SDK1: variants seen among roughly 807,000 people sequenced by gnomAD.
SDK1 encodes the protein protein sidekick-1.
Under a neutral mutation model 245.5 loss-of-function variants are expected in SDK1, and 157 were observed. The ratio of observed to expected loss-of-function variants is 0.64; its 90% CI spans 0.56 to 0.73. SDK1 has a LOEUF of 0.73. Among genes scored for constraint, SDK1 ranks in the 30% least tolerant of loss-of-function variants. The pLI, the probability that SDK1 is intolerant of heterozygous loss-of-function variation, is 0.00. For synonymous variants in SDK1, 1,647 were observed against 1,278.5 expected, an observed-to-expected ratio of 1.29 and a Z score of -6.15; for missense variants, 3,583 against 3,002.3, an observed-to-expected ratio of 1.19 and a Z score of -4.52.
At chr7:4,028,787 A>G (rs117655747) in intron 17 of SDK1, among the ~76,000 whole-genome samples, 3,225 of 152,096 alleles carry the variant, frequency 0.021, 43 homozygotes, top group Non-Finnish European at 0.035. Context: ...TAAACACGGG[A>G]TTTTGTTGTG....
rs184691656 is a variant in SDK1 at position 3,701,163 on chromosome 7, G to T, written c.713+59058G>T. On this transcript the variant is annotated intron_variant, in intron 4 of 44. Coordinates refer to ENST00000404826, the MANE Select transcript of SDK1 (RefSeq NM_152744.4). ...ACATTTCTATACAGTAGCAGTAAGCGTGGAAATTGACAGAGAATACAATAC... is the reference window on the plus strand; with the variant it reads ...ACATTTCTATACAGTAGCAGTAAGCTTGGAAATTGACAGAGAATACAATAC... Among the ~76,000 whole-genome samples, 283 of 152,224 alleles carry T rather than the reference G, an allele frequency of 1.9e-3. 3 individuals are homozygous for T. The highest frequency in any genetic ancestry group is 6.3e-3 in the African/African-American group (262 of 41,530).
chr7:3,454,423 T>TGTGTGCGCGC (rs1554273965), intron 1 of SDK1, among the ~76,000 whole-genome samples: 2 of 150,042 alleles, frequency 1.3e-5, no homozygotes, highest in African/African-American at 2.5e-5. Context: ...TGTGTGTGTG[T>TGTGTGCGCGC]GCTGTGTACA....
chr7:4,140,955 A>C (rs1471059795), intron 28 of SDK1, among the ~76,000 whole-genome samples: 2 of 152,222 alleles, frequency 1.3e-5, no homozygotes, highest in Non-Finnish European at 2.9e-5. Context: ...TTTTTAAAAA[A>C]ATGATTAATA....
chr7:3,484,638 A>G (rs1244676722), intron 1 of SDK1, among the ~76,000 whole-genome samples: 1 of 152,118 alleles, frequency 6.6e-6, no homozygotes, highest in African/African-American at 2.4e-5. Context: ...TGTATCCATA[A>G]CCAACCTCGC....
In SDK1 at chr7:3,766,497, G is replaced by T. The variant is rs531565942; in HGVS notation, c.714-54953G>T. Among the ~76,000 whole-genome samples, 131 of 152,184 alleles carry T rather than the reference G, an allele frequency of 8.6e-4. No homozygotes were observed. In the Middle Eastern group the frequency reaches 0.01, roughly 12 times the overall value. On this transcript the variant is annotated intron_variant, in intron 4 of 44. Transcript: ENST00000404826. Reference sequence around the variant, plus strand: ...TTCTTATCTAGCAAATGGGGTAATTGTACCTACTTAATACTACTAAGTGTA... The same window carrying T: ...TTCTTATCTAGCAAATGGGGTAATTTTACCTACTTAATACTACTAAGTGTA...
At chr7:3,686,624 T>C (rs1322594868) in intron 4 of SDK1, among the ~76,000 whole-genome samples, 1 of 46,148 alleles carries the variant, frequency 2.2e-5, no homozygotes, top group Non-Finnish European at 5.7e-5. Flanking sequence ...TGTTCTAAAA[T>C]TGAAAGATTG....
At chr7:3,937,878 C>G (rs930289425) in intron 5 of SDK1, among the ~76,000 whole-genome samples, 7 of 152,122 alleles carry the variant, frequency 4.6e-5, no homozygotes, top group African/African-American at 1.7e-4. Flanking sequence ...CACTCTGTCG[C>G]CCAGACTGGA....
Position 3,732,663 on chromosome 7 carries a change from C to T in SDK1, c.714-88787C>T, listed in dbSNP as rs180994385. 1.4e-4 allele frequency among the ~76,000 whole-genome samples: 22 copies of T among 152,362 alleles called. No individual in the cohort carries two copies. In the East Asian group the frequency reaches 4.2e-3, roughly 29 times the overall value. On this transcript the variant is annotated intron_variant, in intron 4 of 44. Coordinates refer to ENST00000404826, the MANE Select transcript of SDK1 (RefSeq NM_152744.4). ...ATTAATCCTCGCAGTGTGTCTCCTT[C>T]ATTCCTTTAACTGAGGCGCTGAAAT...
chr7:3,610,267 G>T (rs1025482797), intron 1 of SDK1, among the ~76,000 whole-genome samples: 1 of 152,174 alleles, frequency 6.6e-6, no homozygotes, highest in Non-Finnish European at 1.5e-5. Flanking sequence ...GCAGGAGAAG[G>T]TAAATCATAT....
At chr7:3,957,994 G>A (rs1781400505) in intron 7 of SDK1, 1 of 470,486 alleles carries the variant, frequency 2.1e-6, no homozygotes, top group Non-Finnish European at 4.4e-6. Flanking sequence ...CCCCTTAATC[G>A]TTTCTTTGAA....
intron 5 of SDK1, among the ~76,000 whole-genome samples, chr7:3,941,886 A>T (rs1333190049): frequency 6.7e-6 from 1 of 149,606 alleles, no homozygotes; most frequent in African/African-American, 2.5e-5. Flanking sequence ...CAGCCGTGGT[A>T]TATTTGGACA....
intron 1 of SDK1, among the ~76,000 whole-genome samples, chr7:3,453,575 C>T (rs928176284): frequency 4.6e-5 from 7 of 152,022 alleles, no homozygotes; most frequent in East Asian, 1.9e-4. Flanking sequence ...ATTGCAGTGG[C>T]GACCACACAG....
intron 14 of SDK1, among the ~76,000 whole-genome samples, chr7:3,990,874 G>A (rs1784251020): frequency 6.6e-6 from 1 of 152,212 alleles, no homozygotes; most frequent in South Asian, 2.1e-4. Context: ...TCAGCTGATG[G>A]CATGACTGGC....
chr7:3,553,775 C>T (rs945458766), intron 1 of SDK1, among the ~76,000 whole-genome samples: 2 of 152,088 alleles, frequency 1.3e-5, no homozygotes, highest in Non-Finnish European at 2.9e-5. Context: ...CTTCTTCTGC[C>T]CAGAGAGGAA....
chr7:3,362,092 G>A (rs1780967745), intron 1 of SDK1, among the ~76,000 whole-genome samples: 1 of 152,140 alleles, frequency 6.6e-6, no homozygotes. Flanking sequence ...TCTGAGTGAA[G>A]GGACCTAGTT....
intron 29 of SDK1, among the ~76,000 whole-genome samples, chr7:4,147,955 C>T (rs1285114642): frequency 2.6e-5 from 4 of 152,078 alleles, no homozygotes; most frequent in Non-Finnish European, 5.9e-5. Context: ...TTCCCCGTGT[C>T]CTGCCCCACA....
chr7:3,750,327 G>A (rs1453031862), intron 4 of SDK1, among the ~76,000 whole-genome samples: 7 of 152,180 alleles, frequency 4.6e-5, no homozygotes, highest in Non-Finnish European at 5.9e-5. Flanking sequence ...ATTTAATTTC[G>A]AAGTCTACTA....
At chr7:3,850,392 CT>C (rs1327284210) in intron 5 of SDK1, among the ~76,000 whole-genome samples, 1 of 152,124 alleles carries the variant, frequency 6.6e-6, no homozygotes, top group Non-Finnish European at 1.5e-5. Flanking sequence ...AATAAGATGC[CT>C]TTTACACTGT....
intron 11 of SDK1, among the ~76,000 whole-genome samples, chr7:3,969,926 T>C (rs555079241): frequency 1.6e-4 from 25 of 152,222 alleles, no homozygotes; most frequent in Non-Finnish European, 3.1e-4. Flanking sequence ...ACTTCTAATA[T>C]ACTAACTATC....
Sources: allele counts gnomAD v4.1 joint callset (sites outside exome capture counted in the v4.1 genomes callset), GRCh38; gene constraint gnomAD v4.1.1; transcripts MANE v1.5; gene names NCBI Gene and HGNC (gene_info 2026-07-23, HGNC 2026-07-21).